UNC79: variants seen among roughly 807,000 people sequenced by gnomAD.
UNC79 encodes unc-79 subunit of NALCN channel complex.
In UNC79, 37 loss-of-function variants were observed where a neutral mutation model predicts 283.1. That is an observed-to-expected ratio of 0.13 (90% CI 0.10 to 0.17). The LOEUF (loss-of-function observed/expected upper bound fraction) is 0.17, where lower values mean the gene tolerates loss of function less well. Among genes scored for constraint, UNC79 ranks in the 10% least tolerant of loss-of-function variants. The pLI, the probability that UNC79 is intolerant of heterozygous loss-of-function variation, is 1.00. For synonymous variants in UNC79, 1,107 were observed against 1,200.2 expected (o/e 0.92, Z 1.61); for missense variants, 2,272 against 3,211.1 (o/e 0.71, Z 7.07).
intron 14 of UNC79, among the ~76,000 whole-genome samples, chr14:93,548,286 C>T (rs1367093499): frequency 6.6e-6 from 1 of 152,022 alleles, no homozygotes; most frequent in Non-Finnish European, 1.5e-5. Flanking sequence ...CTCTGAGGTC[C>T]CTTTTACAAG....
exon 20 of UNC79, chr14:93,582,269 G>A (rs1306084480): frequency 4.3e-6 from 7 of 1,614,214 alleles, no homozygotes; most frequent in East Asian, 2.2e-5. Context: ...AGGCCCTGAA[G>A]GGGAGGAGGA....
chr14:93,423,195 C>T (rs554259037), intron 1 of UNC79, among the ~76,000 whole-genome samples: 1 of 149,896 alleles, frequency 6.7e-6, no homozygotes, highest in African/African-American at 2.5e-5. Flanking sequence ...TACACTGAAA[C>T]TATAAAACAT....
chr14:93,342,437 A>G (rs1281157428), intron 1 of UNC79, among the ~76,000 whole-genome samples: 2 of 152,132 alleles, frequency 1.3e-5, no homozygotes, highest in Admixed American at 6.5e-5. Flanking sequence ...CCACCCCATG[A>G]AGCCATTTTT....
chr14:93,595,915 T>C (rs1418352925), intron 23 of UNC79, among the ~76,000 whole-genome samples: 1 of 152,162 alleles, frequency 6.6e-6, no homozygotes, highest in Non-Finnish European at 1.5e-5. Context: ...TTCTTAGTGG[T>C]ATACATATGT....
chr14:93,412,913 T>A (rs1311173090), intron 1 of UNC79, among the ~76,000 whole-genome samples: 2 of 151,756 alleles, frequency 1.3e-5, no homozygotes, highest in Non-Finnish European at 2.9e-5. Context: ...CAGAAAAAAA[T>A]GGATGTTAAT....
At chr14:93,476,832 T>C (rs990498744) in intron 3 of UNC79, among the ~76,000 whole-genome samples, 4 of 152,186 alleles carry the variant, frequency 2.6e-5, no homozygotes, top group Non-Finnish European at 5.9e-5. Flanking sequence ...CTTGTGCAGG[T>C]AATAATAATA....
At chr14:93,452,170 A>G (rs2056662821) in intron 1 of UNC79, among the ~76,000 whole-genome samples, 2 of 152,100 alleles carry the variant, frequency 1.3e-5, no homozygotes, top group African/African-American at 4.8e-5. Flanking sequence ...TTTAGTCTGT[A>G]TTTGAGTCTC....
intron 1 of UNC79, among the ~76,000 whole-genome samples, chr14:93,463,731 C>T (rs1356738919): frequency 6.6e-6 from 1 of 152,124 alleles, no homozygotes; most frequent in African/African-American, 2.4e-5. Flanking sequence ...CACAGTAGCC[C>T]TGTGAAGTTG....
chr14:93,637,295 G>A (rs1566830194), exon 32 of UNC79: 7 of 1,613,886 alleles, frequency 4.3e-6, no homozygotes, highest in Non-Finnish European at 5.9e-6. Context: ...CATTGAGGAT[G>A]AGAGGTTAGT....
intron 14 of UNC79, among the ~76,000 whole-genome samples, chr14:93,543,384 T>G (rs1200058872): frequency 7.3e-6 from 1 of 136,154 alleles, no homozygotes; most frequent in Admixed American, 7.3e-5. Flanking sequence ...TCTTTTTTCC[T>G]TTTTTTTTTT....
At chr14:93,498,593 A>T (rs1015040611) in intron 7 of UNC79, among the ~76,000 whole-genome samples, 4 of 152,056 alleles carry the variant, frequency 2.6e-5, no homozygotes, top group Non-Finnish European at 4.4e-5. Context: ...TCTGTCTCAA[A>T]AAACAAACAA....
rs146270793 is a variant in UNC79, at chr14:93,660,315, T to C, written c.6525+1054T>C. Among the ~76,000 whole-genome samples, 8 of 151,966 alleles carry C rather than the reference T, an allele frequency of 5.3e-5. 1 individual carries two copies. In the East Asian group the frequency reaches 1.6e-3, roughly 29 times the overall value. On this transcript the variant is annotated intron_variant, in intron 39 of 48. Transcript: ENST00000555664. ...ATGGATTGTCTTGGCCAAGATCACATAGCTGGTTAGTAGAAGATTTGTGAC... is the reference window on the plus strand; with the variant it reads ...ATGGATTGTCTTGGCCAAGATCACACAGCTGGTTAGTAGAAGATTTGTGAC...
intron 1 of UNC79, among the ~76,000 whole-genome samples, chr14:93,452,377 T>A (rs2056670836): frequency 7.9e-5 from 2 of 25,258 alleles, no homozygotes; most frequent in Non-Finnish European, 2.7e-4. Flanking sequence ...ACTGCATGAT[T>A]TTTTTTTTTT....
intron 1 of UNC79, among the ~76,000 whole-genome samples, chr14:93,382,103 A>T (rs181203946): frequency 6.6e-5 from 10 of 152,322 alleles, no homozygotes; most frequent in Middle Eastern, 3.4e-3. Context: ...CAGTGTCTGT[A>T]TCTGTATCTA....
At chr14:93,415,503 C>A (rs1300689076) in intron 1 of UNC79, among the ~76,000 whole-genome samples, 6 of 151,350 alleles carry the variant, frequency 4.0e-5, no homozygotes, top group Admixed American at 2.6e-4. Flanking sequence ...TGTCTCTGCC[C>A]GGCTTTGGTA....
At chr14:93,606,946 A>G (rs1413889279) in intron 26 of UNC79, among the ~76,000 whole-genome samples, 1 of 152,208 alleles carries the variant, frequency 6.6e-6, no homozygotes, top group Non-Finnish European at 1.5e-5. Context: ...TGATTCTCAC[A>G]AAAGAACAAG....
intron 5 of UNC79, among the ~76,000 whole-genome samples, chr14:93,493,190 G>T (rs960438000): frequency 6.6e-6 from 1 of 152,046 alleles, no homozygotes; most frequent in African/African-American, 2.4e-5. Context: ...AGGCCTACAA[G>T]GGGGGGCGGT....
At chr14:93,589,135 C>T (rs1244143939) in intron 22 of UNC79, among the ~76,000 whole-genome samples, 5 of 152,036 alleles carry the variant, frequency 3.3e-5, no homozygotes, top group South Asian at 2.1e-4. Flanking sequence ...CTTTAGGGTT[C>T]GGCTGAGGTT....
At chr14:93,376,027 G>C (rs1057440359) in intron 1 of UNC79, among the ~76,000 whole-genome samples, 6 of 152,124 alleles carry the variant, frequency 3.9e-5, no homozygotes. Context: ...CAGCAAGAAG[G>C]CTCTCACCAG....
Sources: gnomAD v4.1 joint callset for allele counts (sites outside exome capture counted in the v4.1 genomes callset) on GRCh38, gnomAD v4.1.1 for gene constraint, MANE v1.5 for transcripts, NCBI Gene and HGNC (gene_info 2026-07-23, HGNC 2026-07-21) for gene names.